Variants in LRCH1 observed in about 807,000 individuals in gnomAD.
LRCH1 encodes the protein leucine rich repeats and calponin homology domain containing 1, also known as leucine-rich repeat and calponin homology domain-containing protein 1.
A neutral mutation model predicts 94.9 loss-of-function variants in LRCH1; 23 were observed. The ratio of observed to expected loss-of-function variants is 0.24; its 90% CI spans 0.17 to 0.34. The LOEUF (loss-of-function observed/expected upper bound fraction) is 0.34. Ranked by LOEUF, LRCH1 falls within the 10% of genes least tolerant of loss-of-function variation. The pLI, the probability that LRCH1 is intolerant of heterozygous loss-of-function variation, is 1.00. For synonymous variants in LRCH1, 364 were observed against 354.9 expected, an observed-to-expected ratio of 1.03 and a Z score of -0.29; for missense variants, 790 against 945.9, an observed-to-expected ratio of 0.84 and a Z score of 2.16.
intron 8 of LRCH1, among the ~76,000 whole-genome samples, chr13:46,693,755 C>T (rs1267253914): frequency 1.3e-5 from 2 of 152,116 alleles, no homozygotes; most frequent in East Asian, 1.9e-4. Context: ...AACATTAAGG[C>T]GATTTTTTGA....
intron 1 of LRCH1, among the ~76,000 whole-genome samples, chr13:46,616,053 TGG>T (rs2050804041): frequency 6.6e-6 from 1 of 152,222 alleles, no homozygotes; most frequent in Admixed American, 6.5e-5. Context: ...AATGTAAACA[TGG>T]GACTTAGAAT....
Position 46,692,599 on chromosome 13 carries a change from A to G in LRCH1, c.1078A>G (p.Ile360Val), listed in dbSNP as rs753777973. ...GTCAAACATCATGGAAGAAGAACAG[A>G]TCATCAAGGAGGACTCGTGCCATCG... ...PMSNIMEEEQ[I>V]IKEDSCHRLS... Residue 360 changes from isoleucine to valine, a missense_variant, in exon 8 of 20, where the codon ATC becomes GTC. Ile to Val is a conservative substitution (Grantham distance 29). Transcript: ENST00000389797. 1 of 1,614,112 alleles carries G rather than the reference A, an allele frequency of 6.2e-7. No homozygotes were observed. Among genetic ancestry groups the G allele is most frequent in the South Asian group, 1.1e-5 (1 of 91,086 alleles).
At chr13:46,707,106 T>C (rs2138190904) in intron 13 of LRCH1, among the ~76,000 whole-genome samples, 1 of 152,334 alleles carries the variant, frequency 6.6e-6, no homozygotes, top group African/African-American at 2.4e-5. Context: ...ATGATGCTCA[T>C]CAGAGCATTT....
rs527904897 is a variant in LRCH1 at position 46,597,382 on chromosome 13, G to A, written c.307+43679G>A. ...AGGACTTTTTTTTTTTTTAGATGGA[G>A]TCTTACTCTTGTCGCCCAGGCTGGA... On this transcript the variant is annotated intron_variant, in intron 1 of 19. Coordinates refer to ENST00000389797, the MANE Select transcript of LRCH1 (RefSeq NM_001164211.2). 1.1e-4 allele frequency among the ~76,000 whole-genome samples: 16 copies of A among 151,382 alleles called. 1 individual carries two copies. In the South Asian group the frequency reaches 3.3e-3, roughly 32 times the overall value.
intron 2 of LRCH1, among the ~76,000 whole-genome samples, chr13:46,664,065 G>T (rs58879624): frequency 0.013 from 1,975 of 152,250 alleles, 38 homozygotes; most frequent in African/African-American, 0.045. Context: ...ATCCAGATTG[G>T]AATTAGGTAC....
intron 1 of LRCH1, among the ~76,000 whole-genome samples, chr13:46,633,678 G>A (rs561619108): frequency 4.5e-4 from 68 of 152,148 alleles, no homozygotes; most frequent in African/African-American, 1.3e-3. Flanking sequence ...GTGACATCAC[G>A]TGTGGTAACT....
At position 46,743,703 on chromosome 13, in the gene LRCH1, G is replaced by C; in HGVS notation, c.*1855G>C. On this transcript the variant is annotated 3_prime_UTR_variant, in exon 20 of 20. Transcript: ENST00000389797. ...TCTCTTTAATGGTCACCACTGTGGTGGTTTTTCCCTTCTTTCTGGGGAGAA... is the reference window on the plus strand; with the variant it reads ...TCTCTTTAATGGTCACCACTGTGGTCGTTTTTCCCTTCTTTCTGGGGAGAA... 2 of 982,134 alleles carry C rather than the reference G, an allele frequency of 2.0e-6. No homozygotes were observed. The highest frequency in any genetic ancestry group is 2.4e-6 in the Non-Finnish European group (2 of 829,354). 60.8% of individuals were successfully genotyped at this position (982,134 alleles called of 1,614,324 possible).
At chr13:46,692,472 G>A in intron 7 of LRCH1, 64 bp from the exon 8 acceptor site, 1 of 1,118,294 alleles carries the variant, frequency 8.9e-7, no homozygotes. Context: ...TTATTACATA[G>A]CATTCTCCTT....
At chr13:46,612,148 C>T (rs1051753944) in intron 1 of LRCH1, among the ~76,000 whole-genome samples, 1 of 152,146 alleles carries the variant, frequency 6.6e-6, no homozygotes, top group Non-Finnish European at 1.5e-5. Context: ...GTGCAGCAAA[C>T]CACCATGGCA....
intron 1 of LRCH1, among the ~76,000 whole-genome samples, chr13:46,647,584 A>G (rs1182971764): frequency 6.6e-6 from 1 of 152,142 alleles, no homozygotes; most frequent in Non-Finnish European, 1.5e-5. Flanking sequence ...ATATATGTTT[A>G]TGGTGAAGTT....
chr13:46,597,682 A>G (rs2050580310), intron 1 of LRCH1, among the ~76,000 whole-genome samples: 1 of 152,146 alleles, frequency 6.6e-6, no homozygotes, highest in Admixed American at 6.5e-5. Flanking sequence ...AAGTGCAAGA[A>G]GGCTGTGATG....
chr13:46,647,149 G>A (rs2051232685), intron 1 of LRCH1, among the ~76,000 whole-genome samples: 1 of 150,922 alleles, frequency 6.6e-6, no homozygotes, highest in Non-Finnish European at 1.5e-5. Flanking sequence ...CTAAAAGTAT[G>A]TCATTTGCAT....
At chr13:46,621,270 C>G (rs1224937425) in intron 1 of LRCH1, among the ~76,000 whole-genome samples, 6 of 152,202 alleles carry the variant, frequency 3.9e-5, no homozygotes. Context: ...TTCATACATC[C>G]ATCTTTCCCA....
chr13:46,605,157 T>C (rs1343763820), intron 1 of LRCH1, among the ~76,000 whole-genome samples: 1 of 152,194 alleles, frequency 6.6e-6, no homozygotes, highest in Non-Finnish European at 1.5e-5. Context: ...ATCTTAATTC[T>C]TCTGAGTTTA....
intron 1 of LRCH1, among the ~76,000 whole-genome samples, chr13:46,625,457 A>C (rs929444396): frequency 2.6e-5 from 4 of 152,072 alleles, no homozygotes; most frequent in African/African-American, 9.7e-5. Flanking sequence ...TGTCTTTATA[A>C]AAGAGACCCC....
At chr13:46,578,491 T>C (rs1295739603) in intron 1 of LRCH1, among the ~76,000 whole-genome samples, 2 of 152,174 alleles carry the variant, frequency 1.3e-5, no homozygotes, top group Admixed American at 6.5e-5. Context: ...AGACAGTAAG[T>C]CTTTGTCTGT....
intron 1 of LRCH1, among the ~76,000 whole-genome samples, chr13:46,603,604 T>G (rs527831228): frequency 6.6e-6 from 1 of 152,348 alleles, no homozygotes; most frequent in South Asian, 2.1e-4. Flanking sequence ...TAAGCATTGG[T>G]AGTTTTAAAC....
chr13:46,735,659 G>A lies in LRCH1; in HGVS notation c.2085+1661G>A, dbSNP rs574679562. On this transcript the variant is annotated intron_variant, in intron 19 of 19. Coordinates refer to ENST00000389797, the MANE Select transcript of LRCH1 (RefSeq NM_001164211.2). ...CAGTAATGTACAATTTATAATTCCC[G>A]AGAAGGTTCAAATACAGGCAGTGAA... Among the ~76,000 whole-genome samples, 8 of 152,164 alleles carry A rather than the reference G, an allele frequency of 5.3e-5. No individual in the cohort carries two copies. The East Asian group carries it at 7.7e-4, about 15-fold the overall frequency.
At chr13:46,672,223 T>A (rs2051609833) in intron 3 of LRCH1, among the ~76,000 whole-genome samples, 1 of 151,976 alleles carries the variant, frequency 6.6e-6, no homozygotes, top group Non-Finnish European at 1.5e-5. Context: ...TGACGGCTCA[T>A]TTTTTTTAGT....
Sources: allele counts gnomAD v4.1 joint callset (sites outside exome capture counted in the v4.1 genomes callset), GRCh38; gene constraint gnomAD v4.1.1; transcripts MANE v1.5; gene names NCBI Gene and HGNC (gene_info 2026-07-23, HGNC 2026-07-21).